Variants in GPR180 observed in about 807,000 individuals in gnomAD.
GPR180 encodes G protein-coupled receptor 180.
In GPR180, 53 loss-of-function variants were observed where a neutral mutation model predicts 52.6. That is an observed-to-expected ratio of 1.01 (90% CI 0.81 to 1.27). GPR180 has a LOEUF of 1.27. Ranked by LOEUF, GPR180 falls within the 50% of genes most tolerant of loss-of-function variation. GPR180 has a pLI of 0.00. For missense variants in GPR180, 533 were observed against 527.0 expected, an observed-to-expected ratio of 1.01 and a Z score of -0.11; for synonymous variants, 200 against 193.1, an observed-to-expected ratio of 1.04 and a Z score of -0.30.
chr13:94,607,535 AAGTT>A (rs1166173114), intron 2 of GPR180, among the ~76,000 whole-genome samples: 2 of 152,180 alleles, frequency 1.3e-5, no homozygotes, highest in African/African-American at 4.8e-5. Flanking sequence ...TCCGTCGATT[AAGTT>A]AACACCTAAG....
intron 2 of GPR180, among the ~76,000 whole-genome samples, chr13:94,608,949 A>G (rs1368004055): frequency 1.3e-5 from 2 of 152,228 alleles, no homozygotes; most frequent in African/African-American, 2.4e-5. Context: ...GATTTAAAAA[A>G]TACTAAAAAC....
rs547961507 is a variant in GPR180 at position 94,627,901 on chromosome 13, C to T, written c.*730C>T. The T allele has an allele frequency of 1.3e-5, 2 of 152,582 alleles. No homozygotes were observed. The highest frequency in any genetic ancestry group is 2.1e-4 in the South Asian group (1 of 4,828). The allele number at this position is 152,582 out of a possible 1,614,324, so 9.5% of individuals were successfully genotyped here. On this transcript the variant is annotated 3_prime_UTR_variant, in exon 9 of 9. Coordinates refer to ENST00000376958, the MANE Select transcript of GPR180 (RefSeq NM_180989.6). ...CTGAGCACTTAGGTGAAGGGACAAG[C>T]AGGTTTATGTGTTTAAACAGAAAGA...
chr13:94,623,301 G>A lies in GPR180; in HGVS notation c.1086+1G>A, dbSNP rs754543977. The A allele has an allele frequency of 6.2e-7, 1 of 1,607,302 alleles. No individual in the cohort carries two copies. Among genetic ancestry groups the A allele is most frequent in the South Asian group, 1.1e-5 (1 of 90,618 alleles). Reference sequence around the variant, plus strand: ...GGAGTTCTACATCACATTTGCCAAAGTATGGGTTTGGAAAGAAAATCGTTT... The same window carrying A: ...GGAGTTCTACATCACATTTGCCAAAATATGGGTTTGGAAAGAAAATCGTTT... On this transcript the variant is annotated splice_donor_variant, in intron 7 of 8. Transcript: ENST00000376958. LOFTEE classifies it high-confidence loss of function.
intron 6 of GPR180, among the ~76,000 whole-genome samples, chr13:94,621,669 G>A (rs1034140813): frequency 1.3e-5 from 2 of 152,014 alleles, no homozygotes; most frequent in Admixed American, 1.3e-4. Context: ...TGCTTTGTAC[G>A]TAAAAGAATT....
intron 3 of GPR180, among the ~76,000 whole-genome samples, chr13:94,613,547 A>G (rs1198876694): frequency 2.6e-5 from 4 of 152,134 alleles, no homozygotes; most frequent in Admixed American, 1.3e-4. Context: ...TGGCCTCCCA[A>G]GGTGTTGGGA....
In GPR180 at chr13:94,621,171, G is replaced by A. The variant is rs1889847162; in HGVS notation, c.830G>A (p.Arg277Lys). The change falls in exon 6 of 9, where the codon AGA becomes AAA. Residue 277 changes from arginine (R) to lysine (K), a missense_variant. Physicochemically the swap from Arg to Lys is conservative, Grantham distance 26. Transcript: ENST00000376958. The part of the protein sequence containing the change: ...TIVRMKKSQS[R>K]PLQWDSTPAS... ...GTCAGAATGAAGAAGTCTCAAAGCA[G>A]ACCTCTCCAGTGGGATTCTACGCCT... 3.1e-6 allele frequency: 5 copies of A among 1,612,272 alleles called. No individual in the cohort carries two copies. Among genetic ancestry groups the A allele is most frequent in the Middle Eastern group, 1.7e-4 (1 of 6,058 alleles).
intron 7 of GPR180, among the ~76,000 whole-genome samples, chr13:94,624,388 C>T (rs1209129456): frequency 6.6e-6 from 1 of 152,166 alleles, no homozygotes; most frequent in East Asian, 1.9e-4. Context: ...TAGTGTTGAG[C>T]ATTGCAAAGC....
chr13:94,605,970 A>G (rs749366457), intron 2 of GPR180, among the ~76,000 whole-genome samples: 2 of 152,210 alleles, frequency 1.3e-5, no homozygotes, highest in Non-Finnish European at 1.5e-5. Context: ...TCATTTGAAC[A>G]TGAGACTTAG....
At position 94,631,246 on chromosome 13, in the gene GPR180, C is replaced by T. The variant is rs1010677610; in HGVS notation, c.*4075C>T. 1 of 152,184 alleles carries T rather than the reference C, an allele frequency of 6.6e-6. No homozygotes were observed. The highest frequency in any genetic ancestry group is 1.5e-5 in the Non-Finnish European group (1 of 68,048). The allele number at this position is 152,184 out of a possible 1,614,324, so 9.4% of individuals were successfully genotyped here. On this transcript the variant is annotated 3_prime_UTR_variant, in exon 9 of 9. Coordinates refer to ENST00000376958, the MANE Select transcript of GPR180 (RefSeq NM_180989.6). ...GCTTCCAGTCCATCCTCACAAGTTCCACTCAGTTCCCACAGGTTCTACTCA... is the reference window on the plus strand; with the variant it reads ...GCTTCCAGTCCATCCTCACAAGTTCTACTCAGTTCCCACAGGTTCTACTCA...
At chr13:94,612,432 A>T in intron 3 of GPR180, 42 bp downstream of exon 3, 1 of 1,370,828 alleles carries the variant, frequency 7.3e-7, no homozygotes, top group South Asian at 1.2e-5. Flanking sequence ...TCAGGAAAAG[A>T]TTTATGTACA....
rs932699649 is a variant in GPR180, at chr13:94,633,364, T to C, written c.*6193T>C. ...CAAAAACACTTAACAGAAAATTACG[T>C]TGTACTCTCTGTACGGATAATTTTC... On this transcript the variant is annotated 3_prime_UTR_variant, in exon 9 of 9. Coordinates refer to ENST00000376958, the MANE Select transcript of GPR180 (RefSeq NM_180989.6). 6.6e-6 allele frequency: 1 copy of C among 152,188 alleles called. No homozygotes were observed. The highest frequency in any genetic ancestry group is 2.4e-5 in the African/African-American group (1 of 41,458). The allele number at this position is 152,188 out of a possible 1,614,324, so 9.4% of individuals were successfully genotyped here.
rs1362032678 is a variant in GPR180, at chr13:94,627,241, T to A, written c.*70T>A. ...GCAATAAGGATCCAAATACAGTGAC[T>A]TTTTTTTCATACATTTAGTATGAAA... On this transcript the variant is annotated 3_prime_UTR_variant, in exon 9 of 9. Transcript: ENST00000376958. 3 of 1,318,114 alleles carry A rather than the reference T, an allele frequency of 2.3e-6. No individual in the cohort carries two copies. In the African/African-American group the frequency reaches 4.5e-5, roughly 20 times the overall value. The allele number at this position is 1,318,114 out of a possible 1,614,324, so 81.7% of individuals were successfully genotyped here. A position where few individuals can be genotyped will look rare whatever the true frequency, so the allele number is the denominator to read the frequency against.
At position 94,627,086 on chromosome 13, in the gene GPR180, G is replaced by C. The variant is rs757157000; in HGVS notation, c.1238G>C (p.Ser413Thr). 3.7e-6 allele frequency: 6 copies of C among 1,612,518 alleles called. No homozygotes were observed. The East Asian group carries it at 1.3e-4, about 36-fold the overall frequency. ...VILYRLFLSH[S>T]LYWEVSSLSS... ...CTCTACAGACTCTTTCTGTCTCACA[G>C]TCTATACTGGGAAGTTTCTTCACTT... Residue 413 changes from serine to threonine, a missense_variant, in exon 9 of 9, where the codon AGT becomes ACT. Ser to Thr is a moderately conservative substitution (Grantham distance 58, BLOSUM62 1). Transcript: ENST00000376958.
In GPR180 at chr13:94,628,790, T is replaced by C. The variant is rs951972820; in HGVS notation, c.*1619T>C. The C allele has an allele frequency of 1.3e-5, 2 of 152,072 alleles. No homozygotes were observed. Among genetic ancestry groups the C allele is most frequent in the Admixed American group, 1.3e-4 (2 of 15,276 alleles). The allele number at this position is 152,072 out of a possible 1,614,324, so 9.4% of individuals were successfully genotyped here. On this transcript the variant is annotated 3_prime_UTR_variant, in exon 9 of 9. Transcript: ENST00000376958. ...CGTCTGAGTGGTCATAACCTTTTCT[T>C]TTATCATGTCTCGCTAATAACCCCA...
intron 6 of GPR180, 128 bp downstream of exon 6, chr13:94,621,363 T>C (rs1594477771): frequency 1.5e-6 from 1 of 647,580 alleles, no homozygotes; most frequent in East Asian, 3.0e-5. Flanking sequence ...TTGAAATTTC[T>C]GAGCTTCTAC....
Position 94,626,039 on chromosome 13 carries a change from A to G in GPR180, c.1160A>G (p.Asp387Gly). The change falls in exon 8 of 9, where the codon GAC (aspartate) becomes GGC (glycine). Residue 387 changes from aspartate (D) to glycine (G), a missense_variant. By Grantham distance (94) the Asp-to-Gly change is moderately conservative. Coordinates refer to ENST00000376958, the MANE Select transcript of GPR180 (RefSeq NM_180989.6). ...GTCATTTTTAGCGACTACCAAAGAG[A>G]CAAGGTAAGAAATATACATGATCAA... Reference protein sequence around the residue: ...ISVIFSDYQRDKVITIGVILC... With the variant: ...ISVIFSDYQRGKVITIGVILC... The G allele has an allele frequency of 6.2e-7, 1 of 1,604,980 alleles. No homozygotes were observed. Among genetic ancestry groups the G allele is most frequent in the African/African-American group, 1.3e-5 (1 of 74,862 alleles).
intron 1 of GPR180, among the ~76,000 whole-genome samples, chr13:94,605,161 T>C (rs946079064): frequency 4.7e-4 from 72 of 152,234 alleles, no homozygotes; most frequent in African/African-American, 1.7e-3. Context: ...GTTTATTGAG[T>C]GAAATATCAG....
chr13:94,612,502 AGAG>A, intron 3 of GPR180, 112 bp downstream of exon 3: 1 of 725,966 alleles, frequency 1.4e-6, no homozygotes, highest in Non-Finnish European at 2.3e-6. Context: ...TTCCAAAACT[AGAG>A]AAATGGTTAA....
In GPR180 at chr13:94,602,031, A is replaced by T; in HGVS notation, c.104A>T (p.Gln35Leu). 6.9e-7 allele frequency: 1 copy of T among 1,455,628 alleles called. No homozygotes were observed. Among genetic ancestry groups the T allele is most frequent in the Non-Finnish European group, 9.1e-7 (1 of 1,103,848 alleles). The allele number at this position is 1,455,628 out of a possible 1,614,324, so 90.2% of individuals were successfully genotyped here. ...LRGSFSSTAA[Q>L]DAQGQRIGHF... ...GGCAGCTTCAGCAGCACCGCGGCCC[A>T]GGACGCCCAGGGCCAGCGCATCGGC... Residue 35 changes from glutamine (Q) to leucine (L), a missense_variant, in exon 1 of 9, where the codon CAG (glutamine) becomes CTG (leucine). Transcript: ENST00000376958.
Sources: gnomAD v4.1 joint callset for allele counts (sites outside exome capture counted in the v4.1 genomes callset) on GRCh38, gnomAD v4.1.1 for gene constraint, MANE v1.5 for transcripts, NCBI Gene and HGNC (gene_info 2026-07-23, HGNC 2026-07-21) for gene names.